Variants in NFYC observed in about 807,000 individuals in gnomAD.
NFYC encodes CAAT box DNA-binding protein subunit C.
NFYC carries 25 observed loss-of-function variants against 53.1 expected under a neutral mutation model. The ratio of observed to expected loss-of-function variants is 0.47; its 90% CI spans 0.34 to 0.66. The LOEUF (loss-of-function observed/expected upper bound fraction) is 0.66, where lower values mean the gene tolerates loss of function less well. Ranked by LOEUF, NFYC falls within the 30% of genes least tolerant of loss-of-function variation. NFYC has a pLI of 0.01. For synonymous variants in NFYC, 145 were observed against 152.6 expected, an observed-to-expected ratio of 0.95 and a Z score of 0.37; for missense variants, 260 against 422.7, an observed-to-expected ratio of 0.62 and a Z score of 3.38.
At chr1:40,702,639 G>A (rs939318857) in intron 1 of NFYC, among the ~76,000 whole-genome samples, 7 of 152,112 alleles carry the variant, frequency 4.6e-5, no homozygotes, top group East Asian at 1.9e-4. Flanking sequence ...ACCGCACCCG[G>A]CCTATCTTCA....
intron 7 of NFYC, among the ~76,000 whole-genome samples, chr1:40,764,135 C>T (rs1296500085): frequency 6.6e-6 from 1 of 152,192 alleles, no homozygotes; most frequent in Non-Finnish European, 1.5e-5. Flanking sequence ...GCAGTCTTTA[C>T]ATTGGTCATT....
At chr1:40,704,968 C>G (rs1643624832) in intron 1 of NFYC, among the ~76,000 whole-genome samples, 3 of 152,196 alleles carry the variant, frequency 2.0e-5, no homozygotes, top group African/African-American at 7.2e-5. Context: ...CTTTCTGAAC[C>G]TTAACCGTCT....
At chr1:40,703,480 T>A (rs868284401) in intron 1 of NFYC, among the ~76,000 whole-genome samples, 22 of 97,740 alleles carry the variant, frequency 2.3e-4, no homozygotes, top group African/African-American at 3.2e-4. Flanking sequence ...CAATTAGCCC[T>A]AAAAAAAAAA....
Position 40,758,174 on chromosome 1 carries a change from G to A in NFYC, c.441G>A (p.Thr147=), listed in dbSNP as rs775910949. ...CCGAGCCAGTCCAGTACTATTTCACGCTGGCTCAGCAACCCACCGCTGTCC... is the reference window on the plus strand; with the variant it reads ...CCGAGCCAGTCCAGTACTATTTCACACTGGCTCAGCAACCCACCGCTGTCC... ...TPAEPVQYYF[T]LAQQPTAVQV... Residue 147 remains threonine, a synonymous_variant, in exon 6 of 10, where the codon ACG becomes ACA. Coordinates refer to ENST00000447388, the MANE Select transcript of NFYC (RefSeq NM_014223.5). 12 of 1,612,324 alleles carry A rather than the reference G, an allele frequency of 7.4e-6. No homozygotes were observed. Among genetic ancestry groups the A allele is most frequent in the East Asian group, 2.2e-5 (1 of 44,890 alleles).
intron 6 of NFYC, among the ~76,000 whole-genome samples, chr1:40,762,143 A>G (rs1428385484): frequency 1.3e-5 from 2 of 152,230 alleles, no homozygotes; most frequent in African/African-American, 4.8e-5. Context: ...CACATTGGGC[A>G]GAAATTTCTT....
At chr1:40,696,271 CT>C (rs199842839) in intron 1 of NFYC, among the ~76,000 whole-genome samples, 1,866 of 152,276 alleles carry the variant, frequency 0.012, 51 homozygotes, top group African/African-American at 0.043. Context: ...GATCCGCCCT[CT>C]TCGGCCTCCT....
intron 1 of NFYC, among the ~76,000 whole-genome samples, chr1:40,694,766 C>T (rs933001514): frequency 5.3e-5 from 8 of 152,106 alleles, no homozygotes; most frequent in African/African-American, 1.9e-4. Context: ...GAATTGACCA[C>T]TCTAGAAATC....
chr1:40,714,146 T>C (rs1400167649), intron 1 of NFYC, among the ~76,000 whole-genome samples: 3 of 152,238 alleles, frequency 2.0e-5, no homozygotes, highest in African/African-American at 7.2e-5. Flanking sequence ...TTTTTTGTTA[T>C]TATATTTCAA....
intron 2 of NFYC, among the ~76,000 whole-genome samples, chr1:40,742,094 GA>G (rs570312313): frequency 1.3e-3 from 205 of 151,914 alleles, no homozygotes; most frequent in African/African-American, 4.9e-3. Context: ...ATCTTATGTA[GA>G]GATGGAGGTC....
chr1:40,733,703 A>G (rs1644882723), intron 1 of NFYC, among the ~76,000 whole-genome samples: 1 of 150,292 alleles, frequency 6.7e-6, no homozygotes, highest in Non-Finnish European at 1.5e-5. Flanking sequence ...TGAGTAGCTA[A>G]GACTTACACG....
At position 40,766,608 on chromosome 1, in the gene NFYC, G is replaced by A; in HGVS notation, c.733G>A (p.Ala245Thr). The A allele has an allele frequency of 6.2e-7, 1 of 1,613,934 alleles. No individual in the cohort carries two copies. The highest frequency in any genetic ancestry group is 8.5e-7 in the Non-Finnish European group (1 of 1,179,908). ...EIQQIPVQLN[A>T]GQLQYIRLAQ... is the part of the protein sequence containing the mutation. ...GCCCCTGCCCTAGGTGCAGCTGAAT[G>A]CCGGCCAGCTGCAGTATATCCGCTT... The change falls in exon 8 of 10, where the codon GCC (alanine) becomes ACC (threonine). Residue 245 changes from alanine (A) to threonine (T), a missense_variant. Transcript: ENST00000447388.
Position 40,770,325 on chromosome 1 carries a change from T to C in NFYC, c.889-384T>C. On this transcript the variant is annotated intron_variant, in intron 9 of 9. Transcript: ENST00000447388. This position sits in a 1 kb window ranked among gnomAD's most constrained non-coding sequence, Gnocchi z 5.3. The stretch of plus-strand genomic sequence containing the variant: ...TCCTACTGCCCCTGCCAGTGTAGAT[T>C]ACCAAGAGTTGGGGAAATGCTGACT... 1 of 1,412,412 alleles carries C rather than the reference T, an allele frequency of 7.1e-7. No homozygotes were observed. The highest frequency in any genetic ancestry group is 9.6e-7 in the Non-Finnish European group (1 of 1,044,530). The allele number at this position is 1,412,412 out of a possible 1,614,324, so 87.5% of individuals were successfully genotyped here. A position where few individuals can be genotyped will look rare whatever the true frequency, so the allele number is the denominator to read the frequency against.
chr1:40,739,036 T>G (rs1483740254), intron 2 of NFYC, 88 bp downstream of exon 2: 3 of 934,224 alleles, frequency 3.2e-6, no homozygotes, highest in Non-Finnish European at 5.0e-6. Flanking sequence ...CTAAAGCATT[T>G]TTAATTTCAA....
intron 6 of NFYC, among the ~76,000 whole-genome samples, chr1:40,760,050 G>A (rs1646460992): frequency 6.6e-6 from 1 of 152,154 alleles, no homozygotes; most frequent in African/African-American, 2.4e-5. Context: ...CAAACTACTG[G>A]GCTCAAGCAG....
chr1:40,751,509 GATCCTCCCACCTC>G, intron 4 of NFYC, among the ~76,000 whole-genome samples: 1 of 152,184 alleles, frequency 6.6e-6, no homozygotes, highest in Non-Finnish European at 1.5e-5. Context: ...GGGCTCAAGT[GATCCTCCCACCTC>G]AGCCTCCCAA....
At chr1:40,712,426 G>A (rs1643959371) in intron 1 of NFYC, 1 of 152,110 alleles carries the variant, frequency 6.6e-6, no homozygotes, top group Non-Finnish European at 1.5e-5. Flanking sequence ...ATAAAATCTG[G>A]AAGCCTGTTC....
intron 1 of NFYC, among the ~76,000 whole-genome samples, chr1:40,696,213 CG>C (rs1643135111): frequency 6.6e-6 from 1 of 151,822 alleles, no homozygotes; most frequent in South Asian, 2.1e-4. Flanking sequence ...TTAGTAGAGA[CG>C]GGGTTTCACT....
chr1:40,767,826 A>G (rs1445316200), intron 8 of NFYC, among the ~76,000 whole-genome samples: 2 of 152,072 alleles, frequency 1.3e-5, no homozygotes, highest in Admixed American at 6.5e-5. Context: ...AAAATACAAA[A>G]TTAGCTGGGC....
intron 1 of NFYC, among the ~76,000 whole-genome samples, chr1:40,707,231 C>G (rs1374658655): frequency 6.6e-6 from 1 of 151,044 alleles, no homozygotes; most frequent in Admixed American, 6.6e-5. Context: ...CAGTGGCTCA[C>G]TCCTGTAATC....
Sources: allele counts gnomAD v4.1 joint callset (sites outside exome capture counted in the v4.1 genomes callset), GRCh38; gene constraint gnomAD v4.1.1; non-coding constraint Gnocchi (gnomAD v3.1); transcripts MANE v1.5; gene names NCBI Gene and HGNC (gene_info 2026-07-23, HGNC 2026-07-21).